Variants in CSMD2 observed in about 807,000 individuals in gnomAD.
CSMD2 encodes CUB and Sushi multiple domains 2.
A neutral mutation model predicts 398.5 loss-of-function variants in CSMD2; 130 were observed. The observed-to-expected ratio is 0.33, with a 90% CI of 0.28 to 0.38. The LOEUF is 0.38. CSMD2 is among the 10% of genes least tolerant of loss of function. The pLI is 1.00. For synonymous variants in CSMD2, 1,828 were observed against 1,908.5 expected (o/e 0.96, Z 1.10); for missense variants, 3,829 against 4,764.9 (o/e 0.80, Z 5.78).
intron 7 of CSMD2, 30 bp from the exon 8 acceptor site, chr1:33,820,586 A>G: frequency 9.4e-7 from 1 of 1,064,878 alleles, no homozygotes; most frequent in Non-Finnish European, 1.4e-6. Context: ...AAAAAAAAAA[A>G]AACAGCACAC....
rs370557034 is a variant in CSMD2 at position 33,635,073 on chromosome 1, T to C, written c.5086+141A>G. ...CAGCCCGTTTGAGAAACGTCAGCAC[T>C]CGGCCGTCCTTTTGGGGAGACTGTT... On this transcript the variant is annotated intron_variant, in intron 31 of 70. Coordinates refer to ENST00000373381, the MANE Select transcript of CSMD2 (RefSeq NM_001281956.2). The surrounding 1 kb of genome is among the most constrained non-coding windows in gnomAD (Gnocchi z 5.0). 2.0e-5 allele frequency: 12 copies of C among 602,862 alleles called. No homozygotes were observed. Among genetic ancestry groups the C allele is most frequent in the East Asian group, 8.9e-5 (3 of 33,626 alleles). 37.3% of individuals were successfully genotyped at this position (602,862 alleles called of 1,614,324 possible).
At chr1:33,961,642 A>G (rs1645363306) in intron 3 of CSMD2, among the ~76,000 whole-genome samples, 1 of 152,116 alleles carries the variant, frequency 6.6e-6, no homozygotes. Context: ...ATGGGGGTGG[A>G]TCTCTCATGA....
At chr1:33,745,557 G>C (rs1479921704) in intron 13 of CSMD2, among the ~76,000 whole-genome samples, 1 of 152,070 alleles carries the variant, frequency 6.6e-6, no homozygotes, top group Non-Finnish European at 1.5e-5. Flanking sequence ...CAAAAAAATT[G>C]GTGACTCCTT....
At chr1:33,592,481 C>A in intron 44 of CSMD2, 1 of 717,034 alleles carries the variant, frequency 1.4e-6, no homozygotes, top group Non-Finnish European at 2.6e-6. Context: ...CAAACAGCTG[C>A]CAAGTGCCCT....
intron 16 of CSMD2, 74 bp from the exon 17 acceptor site, chr1:33,725,610 C>T (rs1232079011): frequency 9.2e-6 from 13 of 1,416,214 alleles, no homozygotes; most frequent in Non-Finnish European, 1.3e-5. Flanking sequence ...AAAGCCCTGC[C>T]TGACCCAGGG....
intron 3 of CSMD2, among the ~76,000 whole-genome samples, chr1:33,954,176 T>C (rs1645091631): frequency 1.3e-5 from 2 of 152,160 alleles, no homozygotes; most frequent in South Asian, 2.1e-4. Context: ...GAAGTAGGTA[T>C]AGTACTATCA....
intron 3 of CSMD2, among the ~76,000 whole-genome samples, chr1:33,994,528 T>G (rs1293110615): frequency 6.6e-6 from 1 of 152,148 alleles, no homozygotes; most frequent in African/African-American, 2.4e-5. Flanking sequence ...TTAAGATCCA[T>G]GAAAGGAAGG....
chr1:33,729,852 G>T (rs1487139109), intron 15 of CSMD2, among the ~76,000 whole-genome samples: 2 of 152,198 alleles, frequency 1.3e-5, no homozygotes, highest in African/African-American at 4.8e-5. Context: ...GGACCTTGCT[G>T]GTGAACGTGC....
At chr1:33,722,592 C>T (rs1163039717) in intron 19 of CSMD2, among the ~76,000 whole-genome samples, 3 of 152,008 alleles carry the variant, frequency 2.0e-5, no homozygotes, top group Admixed American at 2.0e-4. Flanking sequence ...GCTCATTTTG[C>T]GGGCTGGTTT....
chr1:33,788,138 C>A (rs545942462), intron 12 of CSMD2, among the ~76,000 whole-genome samples: 248 of 152,164 alleles, frequency 1.6e-3, no homozygotes, highest in Middle Eastern at 6.8e-3. Flanking sequence ...AGAAGGCCCT[C>A]AGAACAAAGA....
intron 25 of CSMD2, among the ~76,000 whole-genome samples, chr1:33,692,198 T>C (rs1435969546): frequency 6.6e-6 from 1 of 152,244 alleles, no homozygotes; most frequent in Non-Finnish European, 1.5e-5. Context: ...TAAATGGTGA[T>C]GGTTCTTTCT....
intron 5 of CSMD2, among the ~76,000 whole-genome samples, chr1:33,854,487 G>A (rs550978137): frequency 2.4e-4 from 36 of 152,190 alleles, no homozygotes; most frequent in African/African-American, 7.5e-4. Flanking sequence ...GGCTTCACCC[G>A]GGTTTCCCAT....
intron 55 of CSMD2, among the ~76,000 whole-genome samples, chr1:33,550,712 T>C (rs1372983655): frequency 6.6e-6 from 1 of 152,218 alleles, no homozygotes; most frequent in Non-Finnish European, 1.5e-5. Context: ...ATGGGAGCTC[T>C]GTCACCCTCA....
chr1:33,792,599 G>C, intron 10 of CSMD2, 73 bp from the exon 11 acceptor site: 1 of 981,760 alleles, frequency 1.0e-6, no homozygotes, highest in South Asian at 1.3e-5. Flanking sequence ...AGGGGAGGAA[G>C]GATTTTCTGT....
intron 25 of CSMD2, among the ~76,000 whole-genome samples, chr1:33,681,528 C>T (rs1291105094): frequency 6.6e-6 from 1 of 152,192 alleles, no homozygotes; most frequent in Non-Finnish European, 1.5e-5. Flanking sequence ...GGACTAGAGG[C>T]CCAAGTTACA....
At chr1:33,645,261 G>A (rs900683907) in intron 29 of CSMD2, among the ~76,000 whole-genome samples, 1 of 151,740 alleles carries the variant, frequency 6.6e-6, no homozygotes, top group African/African-American at 2.4e-5. Context: ...GATGAGGCCT[G>A]GGTGAACCCG....
chr1:34,026,111 T>C (rs1341948176), intron 3 of CSMD2, among the ~76,000 whole-genome samples: 1 of 152,216 alleles, frequency 6.6e-6, no homozygotes, highest in Non-Finnish European at 1.5e-5. Flanking sequence ...TGCATTCTCT[T>C]CCTTAATCCT....
chr1:34,066,141 A>G (rs1655082860), intron 2 of CSMD2, among the ~76,000 whole-genome samples: 1 of 152,228 alleles, frequency 6.6e-6, no homozygotes, highest in Non-Finnish European at 1.5e-5. Flanking sequence ...ACTCAGTGAG[A>G]TGTAGCATTT....
chr1:33,727,904 T>A (rs1458198097), intron 15 of CSMD2, among the ~76,000 whole-genome samples: 1 of 152,174 alleles, frequency 6.6e-6, no homozygotes, highest in African/African-American at 2.4e-5. Flanking sequence ...ACTGCTTCTG[T>A]CACTGCCATC....
Sources: allele counts gnomAD v4.1 joint callset (sites outside exome capture counted in the v4.1 genomes callset), GRCh38; gene constraint gnomAD v4.1.1; non-coding constraint Gnocchi (gnomAD v3.1); transcripts MANE v1.5; gene names NCBI Gene and HGNC (gene_info 2026-07-23, HGNC 2026-07-21).